TRPM3: variants seen among roughly 807,000 people sequenced by gnomAD.
TRPM3 encodes the protein long transient receptor potential channel 3.
A neutral mutation model predicts 181.2 loss-of-function variants in TRPM3; 77 were observed. The ratio of observed to expected loss-of-function variants is 0.42; its 90% CI spans 0.35 to 0.51. The LOEUF (loss-of-function observed/expected upper bound fraction) is 0.51. Among genes scored for constraint, TRPM3 ranks in the 20% least tolerant of loss-of-function variants. TRPM3 has a pLI of 0.01. For missense variants in TRPM3, 1,759 were observed against 2,196.7 expected, an observed-to-expected ratio of 0.80 and a Z score of 3.98; for synonymous variants, 745 against 796.4, an observed-to-expected ratio of 0.94 and a Z score of 1.09.
chr9:70,829,601 T>A (rs1462119094), intron 5 of TRPM3, among the ~76,000 whole-genome samples: 3 of 152,220 alleles, frequency 2.0e-5, no homozygotes, highest in Non-Finnish European at 2.9e-5. Context: ...TGTTAATTTG[T>A]CAATGTAGCA....
chr9:70,972,678 A>G (rs953380743), intron 1 of TRPM3, among the ~76,000 whole-genome samples: 4 of 152,182 alleles, frequency 2.6e-5, no homozygotes, highest in African/African-American at 9.6e-5. Context: ...ACAGTGCTTC[A>G]GGACTTTTTT....
rs762954361 is a variant in TRPM3 at position 70,530,811 on chromosome 9, A to C, written c.*5142T>G. The C allele has an allele frequency of 6.6e-6, 1 of 152,264 alleles. No individual in the cohort carries two copies. Among genetic ancestry groups the C allele is most frequent in the Non-Finnish European group, 1.5e-5 (1 of 68,040 alleles). 9.4% of individuals were successfully genotyped at this position (152,264 alleles called of 1,614,324 possible). The stretch of plus-strand genomic sequence containing the variant: ...GTAAAAAGAAGAGAAAGCTTAGGTC[A>C]ATGCAGGCTGAGAGGAAAGTTTTGT... On this transcript the variant is annotated 3_prime_UTR_variant, in exon 26 of 26. Transcript: ENST00000677713.
At position 70,784,230 on chromosome 9, in the gene TRPM3, G is replaced by A; in HGVS notation, c.1023C>T (p.Pro341=). 6.2e-7 allele frequency: 1 copy of A among 1,613,476 alleles called. No homozygotes were observed. Among genetic ancestry groups the A allele is most frequent in the Non-Finnish European group, 8.5e-7 (1 of 1,179,656 alleles). Residue 341 remains proline (P), a synonymous_variant, in exon 7 of 26, where the codon CCC becomes CCT. Coordinates refer to ENST00000677713, the MANE Select transcript of TRPM3 (RefSeq NM_001366145.2). Reference sequence around the variant, plus strand: ...ACTCCAAAACAATCGAGATCACATTGGGTCCTCCTTCCACTATGAGTGCCA... The same window carrying A: ...ACTCCAAAACAATCGAGATCACATTAGGTCCTCCTTCCACTATGAGTGCCA... ...PVVALIVEGG[P]NVISIVLEYL...
intron 1 of TRPM3, among the ~76,000 whole-genome samples, chr9:70,974,451 A>G (rs1276293029): frequency 2.0e-5 from 3 of 152,122 alleles, no homozygotes; most frequent in Non-Finnish European, 4.4e-5. Flanking sequence ...AGGCAGGAGA[A>G]TGGTGTGAAC....
intron 1 of TRPM3, among the ~76,000 whole-genome samples, chr9:71,418,764 T>A (rs575806598): frequency 6.8e-6 from 1 of 147,344 alleles, no homozygotes. Flanking sequence ...AGATACTATA[T>A]ATATACTATA....
At position 70,739,633 on chromosome 9, in the gene TRPM3, C is replaced by T. The variant is rs529450450; in HGVS notation, c.1272+21968G>A. On this transcript the variant is annotated intron_variant, in intron 8 of 25. Coordinates refer to ENST00000677713, the MANE Select transcript of TRPM3 (RefSeq NM_001366145.2). ...TTGAGTCAAGGTCTCACTCTGTTGC[C>T]CAGGCTGGAGTGCAGTGGCACCATC... 2.5e-3 allele frequency among the ~76,000 whole-genome samples: 382 copies of T among 151,966 alleles called. 1 individual carries two copies. The highest frequency in any genetic ancestry group is 4.5e-3 in the Non-Finnish European group (304 of 67,936).
chr9:71,246,779 T>G (rs2131995702), intron 1 of TRPM3, among the ~76,000 whole-genome samples: 1 of 152,354 alleles, frequency 6.6e-6, no homozygotes, highest in African/African-American at 2.4e-5. Flanking sequence ...AAGATTTAGT[T>G]ATACGACACT....
At chr9:70,567,618 G>T (rs2050968242) in intron 22 of TRPM3, among the ~76,000 whole-genome samples, 1 of 150,582 alleles carries the variant, frequency 6.6e-6, no homozygotes, top group Non-Finnish European at 1.5e-5. Context: ...GGCCAAGTTG[G>T]TCTGAATAGA....
At chr9:70,895,915 T>C (rs1461152710) in intron 1 of TRPM3, among the ~76,000 whole-genome samples, 1 of 151,764 alleles carries the variant, frequency 6.6e-6, no homozygotes, top group Non-Finnish European at 1.5e-5. Flanking sequence ...AATGGGAGAG[T>C]GATAACCAGA....
rs547436605 is a variant in TRPM3 at position 70,749,992 on chromosome 9, G to A, written c.1272+11609C>T. On this transcript the variant is annotated intron_variant, in intron 8 of 25. Coordinates refer to ENST00000677713, the MANE Select transcript of TRPM3 (RefSeq NM_001366145.2). The stretch of plus-strand genomic sequence containing the variant: ...TTAAAATAATTACTATTTAATCTGG[G>A]TTGTGATAACCAACTAATTCTAGCA... Among the ~76,000 whole-genome samples the A allele has an allele frequency of 2.6e-5, 4 of 152,196 alleles. No individual in the cohort carries two copies. The East Asian group carries it at 5.8e-4, about 22-fold the overall frequency.
intron 9 of TRPM3, among the ~76,000 whole-genome samples, chr9:70,674,198 A>G (rs1171808638): frequency 6.6e-6 from 1 of 152,210 alleles, no homozygotes; most frequent in Non-Finnish European, 1.5e-5. Flanking sequence ...AATACATTCA[A>G]TAAAATACAT....
chr9:70,986,673 C>A (rs545137720), intron 1 of TRPM3, among the ~76,000 whole-genome samples: 1 of 152,198 alleles, frequency 6.6e-6, no homozygotes, highest in East Asian at 1.9e-4. Flanking sequence ...TATTTTTCCC[C>A]TACCATATTA....
chr9:71,377,007 T>C (rs1384971220), intron 1 of TRPM3, among the ~76,000 whole-genome samples: 2 of 152,120 alleles, frequency 1.3e-5, no homozygotes, highest in Admixed American at 6.6e-5. Flanking sequence ...AATTATTACA[T>C]AGCTGCCACG....
intron 19 of TRPM3, among the ~76,000 whole-genome samples, chr9:70,607,090 A>C (rs1157795403): frequency 6.6e-6 from 1 of 152,188 alleles, no homozygotes; most frequent in African/African-American, 2.4e-5. Context: ...CAAAACAAGC[A>C]GGGTCTAGGA....
intron 1 of TRPM3, among the ~76,000 whole-genome samples, chr9:71,150,924 C>T (rs558450373): frequency 3.9e-5 from 6 of 152,176 alleles, no homozygotes; most frequent in African/African-American, 1.2e-4. Flanking sequence ...AGACAAAAAT[C>T]CAGATATATA....
chr9:71,292,615 A>T (rs2132275113), intron 1 of TRPM3, among the ~76,000 whole-genome samples: 1 of 151,976 alleles, frequency 6.6e-6, no homozygotes, highest in East Asian at 1.9e-4. Flanking sequence ...GAAAATTAGA[A>T]TAATCCTAAT....
intron 6 of TRPM3, among the ~76,000 whole-genome samples, chr9:70,803,504 A>G: frequency 7.4e-6 from 1 of 135,692 alleles, no homozygotes; most frequent in Admixed American, 8.0e-5. Context: ...GCTGGAGTGC[A>G]GTGGTGCGAT....
intron 1 of TRPM3, among the ~76,000 whole-genome samples, chr9:71,106,339 G>A (rs1413493709): frequency 1.3e-5 from 2 of 152,140 alleles, no homozygotes; most frequent in African/African-American, 4.8e-5. Flanking sequence ...TTTTGGTCAT[G>A]AGGGCAGATC....
At chr9:70,586,528 A>G (rs1481216399) in intron 22 of TRPM3, among the ~76,000 whole-genome samples, 1 of 152,228 alleles carries the variant, frequency 6.6e-6, no homozygotes, top group Non-Finnish European at 1.5e-5. Flanking sequence ...GGTGCCTCAT[A>G]TTGGCTTGCT....
Sources: allele counts gnomAD v4.1 joint callset (sites outside exome capture counted in the v4.1 genomes callset), GRCh38; gene constraint gnomAD v4.1.1; transcripts MANE v1.5; gene names NCBI Gene and HGNC (gene_info 2026-07-23, HGNC 2026-07-21).